The following CADM2 variants were observed in gnomAD, a reference collection of about 807,000 sequenced individuals.
CADM2 encodes the protein cell adhesion molecule 2.
A neutral mutation model predicts 49.8 loss-of-function variants in CADM2; 12 were observed. The ratio of observed to expected loss-of-function variants is 0.24; its 90% CI spans 0.15 to 0.39. The LOEUF is 0.39. Ranked by LOEUF, CADM2 falls within the 10% of genes least tolerant of loss-of-function variation. CADM2 has a pLI of 1.00. For synonymous variants in CADM2, 214 were observed against 175.4 expected, an observed-to-expected ratio of 1.22 and a Z score of -1.74; for missense variants, 378 against 492.3, an observed-to-expected ratio of 0.77 and a Z score of 2.20.
At chr3:85,137,923 A>C (rs1035026993) in intron 1 of CADM2, among the ~76,000 whole-genome samples, 1 of 152,140 alleles carries the variant, frequency 6.6e-6, no homozygotes, top group Non-Finnish European at 1.5e-5. Flanking sequence ...TAGAATTATT[A>C]ATATCCTTAA....
chr3:86,010,910 G>T (rs72912437), intron 8 of CADM2, among the ~76,000 whole-genome samples: 4,921 of 151,860 alleles, frequency 0.032, 255 homozygotes, highest in African/African-American at 0.11. Flanking sequence ...TCTAGGCATA[G>T]ATATCTGAAA....
At chr3:85,765,654 C>A (rs992677630) in intron 2 of CADM2, among the ~76,000 whole-genome samples, 6 of 151,924 alleles carry the variant, frequency 3.9e-5, no homozygotes, top group African/African-American at 1.4e-4. Context: ...TTTTTAATTT[C>A]CTTGCATTTC....
intron 1 of CADM2, among the ~76,000 whole-genome samples, chr3:85,147,628 C>T (rs1000466999): frequency 4.6e-5 from 7 of 152,010 alleles, no homozygotes; most frequent in Non-Finnish European, 1.0e-4. Context: ...CGTTCATAGT[C>T]TTCATAGATA....
chr3:85,284,661 C>T (rs80201072), intron 1 of CADM2, among the ~76,000 whole-genome samples: 15,885 of 151,944 alleles, frequency 0.1, 980 homozygotes, highest in African/African-American at 0.17. Flanking sequence ...TGCCTGCCTG[C>T]CTATGCATGG....
intron 1 of CADM2, among the ~76,000 whole-genome samples, chr3:85,554,618 CGTAA>C (rs2061903074): frequency 6.6e-6 from 1 of 152,108 alleles, no homozygotes; most frequent in African/African-American, 2.4e-5. Flanking sequence ...AAAGGGCATA[CGTAA>C]GTTTTTATTT....
chr3:85,046,987 A>T (rs928351867), intron 1 of CADM2, among the ~76,000 whole-genome samples: 1 of 152,186 alleles, frequency 6.6e-6, no homozygotes, highest in Non-Finnish European at 1.5e-5. Context: ...TGTCCTAAAA[A>T]ATAAGACATA....
intron 1 of CADM2, among the ~76,000 whole-genome samples, chr3:85,378,253 ATC>A (rs2033705821): frequency 6.6e-6 from 1 of 151,968 alleles, no homozygotes; most frequent in Admixed American, 6.6e-5. Flanking sequence ...CGTAGCCCTC[ATC>A]ACTCTGTTCT....
chr3:85,608,230 A>T (rs2063585248), intron 1 of CADM2, among the ~76,000 whole-genome samples: 1 of 152,152 alleles, frequency 6.6e-6, no homozygotes, highest in African/African-American at 2.4e-5. Flanking sequence ...CTTTAAATAC[A>T]TATACACTCA....
chr3:85,601,412 C>A (rs890934139), intron 1 of CADM2, among the ~76,000 whole-genome samples: 4 of 150,540 alleles, frequency 2.7e-5, no homozygotes, highest in Non-Finnish European at 4.5e-5. Context: ...ATATTGTAAT[C>A]ACAATACATT....
chr3:86,037,511 G>GA (rs1735315392), intron 8 of CADM2, among the ~76,000 whole-genome samples: 1 of 151,994 alleles, frequency 6.6e-6, no homozygotes, highest in Admixed American at 6.6e-5. Context: ...ATTTTCTTGG[G>GA]AAAAAGTAAG....
intron 1 of CADM2, among the ~76,000 whole-genome samples, chr3:85,580,016 T>C (rs1055997529): frequency 6.6e-6 from 1 of 152,168 alleles, no homozygotes; most frequent in Non-Finnish European, 1.5e-5. Context: ...AATTCCATTG[T>C]TTTTACTCAG....
At chr3:85,472,481 C>T (rs2038809787) in intron 1 of CADM2, among the ~76,000 whole-genome samples, 1 of 151,944 alleles carries the variant, frequency 6.6e-6, no homozygotes, top group South Asian at 2.1e-4. Flanking sequence ...TACATTTCTA[C>T]TCTGTGTTCT....
At chr3:85,303,981 G>A (rs961851023) in intron 1 of CADM2, among the ~76,000 whole-genome samples, 1 of 151,832 alleles carries the variant, frequency 6.6e-6, no homozygotes, top group African/African-American at 2.4e-5. Flanking sequence ...TTCAATCCTA[G>A]CACCCTCCAC....
chr3:85,004,319 T>G (rs2107226941), intron 1 of CADM2, among the ~76,000 whole-genome samples: 1 of 152,284 alleles, frequency 6.6e-6, no homozygotes, highest in East Asian at 1.9e-4. Flanking sequence ...TTTTCCACTA[T>G]TCTCTTATGG....
chr3:85,961,193 G>A (rs1009415496), intron 7 of CADM2, among the ~76,000 whole-genome samples: 3 of 151,204 alleles, frequency 2.0e-5, no homozygotes, highest in African/African-American at 7.3e-5. Flanking sequence ...TGGGCCACAC[G>A]ACTTGAGCAG....
At chr3:85,647,816 A>G (rs749303189) in intron 1 of CADM2, among the ~76,000 whole-genome samples, 2 of 151,826 alleles carry the variant, frequency 1.3e-5, no homozygotes, top group Non-Finnish European at 3.0e-5. Context: ...CACTAATTTC[A>G]TATCAACTAT....
At chr3:85,550,281 A>G (rs2061769554) in intron 1 of CADM2, among the ~76,000 whole-genome samples, 1 of 152,192 alleles carries the variant, frequency 6.6e-6, no homozygotes, top group Admixed American at 6.5e-5. Flanking sequence ...TAAGCCATGT[A>G]TTGGTTCTGA....
chr3:86,052,928 A>G (rs1020262588), intron 8 of CADM2, among the ~76,000 whole-genome samples: 1 of 152,124 alleles, frequency 6.6e-6, no homozygotes. Context: ...CTGTCATTAT[A>G]TCAGTGTCTA....
chr3:85,775,735 A>G (rs2070329166), intron 2 of CADM2, among the ~76,000 whole-genome samples: 1 of 151,840 alleles, frequency 6.6e-6, no homozygotes, highest in Non-Finnish European at 1.5e-5. Context: ...GTTATATACA[A>G]TCTGATACAA....
Sources: allele counts gnomAD v4.1 joint callset (sites outside exome capture counted in the v4.1 genomes callset), GRCh38; gene constraint gnomAD v4.1.1; transcripts MANE v1.5; gene names NCBI Gene and HGNC (gene_info 2026-07-23, HGNC 2026-07-21).